Variants in HSF2BP observed in about 807,000 individuals in gnomAD.
The protein encoded by HSF2BP is heat shock transcription factor 2 binding protein.
A neutral mutation model predicts 35.0 loss-of-function variants in HSF2BP; 35 were observed. The observed-to-expected ratio is 1.00, with a 90% CI of 0.76 to 1.32. The LOEUF (loss-of-function observed/expected upper bound fraction) is 1.32, where lower values mean the gene tolerates loss of function less well. Among genes scored for constraint, HSF2BP ranks in the 40% most tolerant of loss-of-function variants. The pLI is 0.00. For synonymous variants in HSF2BP, 114 were observed against 117.4 expected (o/e 0.97, Z 0.18); for missense variants, 326 against 321.7 (o/e 1.01, Z -0.10).
rs528490823 is a variant in HSF2BP at position 43,641,723 on chromosome 21, G to A, written c.291+2566C>T. Among the ~76,000 whole-genome samples the A allele has an allele frequency of 1.4e-4, 21 of 152,072 alleles. No homozygotes were observed. The South Asian group carries it at 4.4e-3, about 32-fold the overall frequency. On this transcript the variant is annotated intron_variant, in intron 4 of 8. Coordinates refer to ENST00000291560, the MANE Select transcript of HSF2BP (RefSeq NM_007031.2). ...AGCACTTTGGGAGACCAAAGTGGATGGATCACCTGAGGTCAGGAGTTCAAG... is the reference window on the plus strand; with the variant it reads ...AGCACTTTGGGAGACCAAAGTGGATAGATCACCTGAGGTCAGGAGTTCAAG...
chr21:43,603,750 T>C (rs1171846774), intron 7 of HSF2BP, among the ~76,000 whole-genome samples: 2 of 151,700 alleles, frequency 1.3e-5, no homozygotes, highest in African/African-American at 4.8e-5. Context: ...ATTTGGAGAG[T>C]TAAAAACAGG....
chr21:43,578,349 A>ATGTG (rs112606928), intron 8 of HSF2BP, among the ~76,000 whole-genome samples: 13 of 151,188 alleles, frequency 8.6e-5, no homozygotes, highest in African/African-American at 1.7e-4. Flanking sequence ...TTCCCTAGAG[A>ATGTG]TGTGTGTGTG....
At chr21:43,635,379 G>A (rs1012283208) in intron 4 of HSF2BP, among the ~76,000 whole-genome samples, 1 of 152,080 alleles carries the variant, frequency 6.6e-6, no homozygotes, top group African/African-American at 2.4e-5. Flanking sequence ...AAAATTGTCT[G>A]AAAAAGAAGA....
chr21:43,656,787 A>G (rs1389905452), intron 2 of HSF2BP, 50 bp from the exon 3 acceptor site: 1 of 1,526,420 alleles, frequency 6.6e-7, no homozygotes, highest in African/African-American at 1.4e-5. Context: ...TGAGAAAAAA[A>G]ACAACAGCTC....
intron 8 of HSF2BP, among the ~76,000 whole-genome samples, chr21:43,590,454 G>T (rs753054295): frequency 6.6e-6 from 1 of 152,140 alleles, no homozygotes; most frequent in Non-Finnish European, 1.5e-5. Context: ...CCTACCACAT[G>T]TCTCAGTGAT....
intron 7 of HSF2BP, among the ~76,000 whole-genome samples, chr21:43,607,833 A>G (rs963222075): frequency 6.6e-6 from 1 of 152,230 alleles, no homozygotes; most frequent in African/African-American, 2.4e-5. Context: ...ATTGACAAAA[A>G]TAAGCAATGA....
At chr21:43,619,315 A>G (rs1188818720) in intron 6 of HSF2BP, among the ~76,000 whole-genome samples, 3 of 152,238 alleles carry the variant, frequency 2.0e-5, no homozygotes, top group Non-Finnish European at 2.9e-5. Flanking sequence ...AATACCTCTT[A>G]CAACTCAGTA....
chr21:43,627,602 G>A (rs555169028), intron 6 of HSF2BP, among the ~76,000 whole-genome samples: 1 of 152,212 alleles, frequency 6.6e-6, no homozygotes, highest in East Asian at 1.9e-4. Flanking sequence ...ATTATCCAGG[G>A]TGCTCCCCAG....
At chr21:43,637,339 C>G (rs1015778538) in intron 4 of HSF2BP, among the ~76,000 whole-genome samples, 1 of 152,050 alleles carries the variant, frequency 6.6e-6, no homozygotes, top group Non-Finnish European at 1.5e-5. Context: ...TCTGTTCCTA[C>G]AAAATATTCA....
rs547166441 is a variant in HSF2BP, at chr21:43,604,390, A to C, written c.692+9440T>G. On this transcript the variant is annotated intron_variant, in intron 7 of 8. Transcript: ENST00000291560. Reference sequence around the variant, plus strand: ...ACAGCACGCACACCACACACACACCACACACACTACACACACACCATACAC... The same window carrying C: ...ACAGCACGCACACCACACACACACCCCACACACTACACACACACCATACAC... Among the ~76,000 whole-genome samples the C allele has an allele frequency of 9.1e-4, 122 of 133,944 alleles. 1 individual carries two copies. Among genetic ancestry groups the C allele is most frequent in the African/African-American group, 3.4e-3 (116 of 34,586 alleles). The allele number at this position is 133,944 out of a possible 152,430, so 87.9% of individuals were successfully genotyped here.
chr21:43,598,368 C>T (rs2082011041), intron 7 of HSF2BP, among the ~76,000 whole-genome samples: 1 of 142,062 alleles, frequency 7.0e-6, no homozygotes, highest in East Asian at 2.1e-4. Flanking sequence ...CCACACCCGG[C>T]TAATTTTTGT....
At chr21:43,643,854 C>T (rs1367846185) in intron 4 of HSF2BP, among the ~76,000 whole-genome samples, 1 of 151,692 alleles carries the variant, frequency 6.6e-6, no homozygotes, top group Non-Finnish European at 1.5e-5. Flanking sequence ...ACTCGGGAGG[C>T]TGAGGCAGGG....
intron 6 of HSF2BP, among the ~76,000 whole-genome samples, chr21:43,628,333 A>C (rs2082413789): frequency 6.6e-6 from 1 of 152,254 alleles, no homozygotes; most frequent in Non-Finnish European, 1.5e-5. Flanking sequence ...CATGAATGAT[A>C]AGAACGCAAA....
At chr21:43,646,899 A>C (rs141267649) in intron 3 of HSF2BP, among the ~76,000 whole-genome samples, 1 of 152,246 alleles carries the variant, frequency 6.6e-6, no homozygotes, top group African/African-American at 2.4e-5. Flanking sequence ...TGCATTTTCA[A>C]CTTGGCCCCA....
chr21:43,636,231 AAG>A (rs1352577467), intron 4 of HSF2BP, among the ~76,000 whole-genome samples: 1 of 129,766 alleles, frequency 7.7e-6, no homozygotes, highest in African/African-American at 4.2e-5. Context: ...AAGAAAAGAA[AAG>A]AAAAGAAAAG....
rs201654738 is a variant in HSF2BP, at chr21:43,535,754, T to TAATAAAATAA, written c.797-5802_797-5793dup. ...TAAAATAAAATAAAATAAAATAAAA[T>TAATAAAATAA]AATAAAATAAAATAAAATAAAATAA... On this transcript the variant is annotated intron_variant, in intron 8 of 8. Coordinates refer to ENST00000291560, the MANE Select transcript of HSF2BP (RefSeq NM_007031.2). Among the ~76,000 whole-genome samples, 14 of 3,500 alleles carry TAATAAAATAA rather than the reference T, an allele frequency of 4.0e-3. 3 individuals are homozygous for TAATAAAATAA. The highest frequency in any genetic ancestry group is 0.016 in the Admixed American group (6 of 384). The allele number at this position is 3,500 out of a possible 152,430, so 2.3% of individuals were successfully genotyped here. A position where few individuals can be genotyped will look rare whatever the true frequency, so the allele number is the denominator to read the frequency against.
At chr21:43,633,651 T>C (rs963624782) in intron 4 of HSF2BP, among the ~76,000 whole-genome samples, 15 of 152,262 alleles carry the variant, frequency 9.9e-5, no homozygotes, top group African/African-American at 3.6e-4. Flanking sequence ...TACCACATTA[T>C]GGTTGATAAA....
In HSF2BP at chr21:43,653,246, A is replaced by T. The variant is rs1258773471; in HGVS notation, c.187+3341T>A. On this transcript the variant is annotated intron_variant, in intron 3 of 8. Transcript: ENST00000291560. ...GGGAAGGGAAGGGGAAGGGAAGGGG[A>T]GGGGAGGGGAGGGAAGGGAAGGGAG... Among the ~76,000 whole-genome samples, 95 of 46,320 alleles carry T rather than the reference A, an allele frequency of 2.1e-3. 1 individual carries two copies. Among genetic ancestry groups the T allele is most frequent in the African/African-American group, 7.4e-3 (89 of 12,028 alleles). 30.4% of individuals were successfully genotyped at this position (46,320 alleles called of 152,430 possible).
At chr21:43,657,976 C>A in intron 2 of HSF2BP, 85 bp downstream of exon 2, 1 of 1,529,404 alleles carries the variant, frequency 6.5e-7, no homozygotes, top group South Asian at 1.2e-5. Context: ...AGCGAGCCGT[C>A]TCCGAGCGCA....
Sources: allele counts gnomAD v4.1 joint callset (sites outside exome capture counted in the v4.1 genomes callset), GRCh38; gene constraint gnomAD v4.1.1; transcripts MANE v1.5; gene names NCBI Gene and HGNC (gene_info 2026-07-23, HGNC 2026-07-21).